The following ITCH variants were observed in gnomAD, a reference collection of about 807,000 sequenced individuals.
The protein encoded by ITCH is itchy E3 ubiquitin protein ligase.
In ITCH, 28 loss-of-function variants were observed where a neutral mutation model predicts 126.8. The observed-to-expected ratio is 0.22, with a 90% CI of 0.16 to 0.30. ITCH has a LOEUF of 0.30. Among genes scored for constraint, ITCH ranks in the 10% least tolerant of loss-of-function variants. The pLI is 1.00. For synonymous variants in ITCH, 342 were observed against 340.0 expected (o/e 1.01, Z -0.06); for missense variants, 631 against 1,032.4 (o/e 0.61, Z 5.33).
At chr20:34,494,021 G>A (rs1300829995) in intron 23 of ITCH, among the ~76,000 whole-genome samples, 1 of 152,194 alleles carries the variant, frequency 6.6e-6, no homozygotes, top group Non-Finnish European at 1.5e-5. Flanking sequence ...TTGAGCTCAG[G>A]AGTTTGAGAA....
At chr20:34,471,673 G>GGTGTGTGTGTGTGTGTGTGT (rs10606931) in intron 16 of ITCH, among the ~76,000 whole-genome samples, 158 bp downstream of exon 16, 1 of 69,376 alleles carries the variant, frequency 1.4e-5, no homozygotes. Context: ...GGGCTTAAGG[G>GGTGTGTGTGTGTGTGTGTGT]GTGTGTGTGT....
At chr20:34,448,014 T>A (rs1346276276) in intron 11 of ITCH, among the ~76,000 whole-genome samples, 1 of 152,214 alleles carries the variant, frequency 6.6e-6, no homozygotes, top group Non-Finnish European at 1.5e-5. Flanking sequence ...TAAGCAATCA[T>A]GCATTTAATT....
intron 6 of ITCH, 42 bp downstream of exon 6, chr20:34,413,921 A>G (rs1315513190): frequency 6.7e-7 from 1 of 1,499,370 alleles, no homozygotes; most frequent in African/African-American, 1.4e-5. Context: ...ATTCTTCTTA[A>G]ATAAAATAGC....
chr20:34,402,977 T>C (rs1411372977), intron 3 of ITCH, among the ~76,000 whole-genome samples: 4 of 152,228 alleles, frequency 2.6e-5, no homozygotes, highest in African/African-American at 9.6e-5. Flanking sequence ...TTAGCTCTGA[T>C]TGTTCAGGGA....
intron 3 of ITCH, among the ~76,000 whole-genome samples, chr20:34,407,430 C>T (rs1228904935): frequency 6.6e-6 from 1 of 152,094 alleles, no homozygotes; most frequent in Non-Finnish European, 1.5e-5. Flanking sequence ...CCACACCTGG[C>T]TAAGTTTTGA....
intron 7 of ITCH, among the ~76,000 whole-genome samples, chr20:34,436,726 A>G (rs920901584): frequency 6.6e-6 from 1 of 152,230 alleles, no homozygotes; most frequent in Non-Finnish European, 1.5e-5. Flanking sequence ...AAGATTGTGC[A>G]TTTCTGACAA....
At chr20:34,487,833 G>A (rs1989236267) in intron 20 of ITCH, among the ~76,000 whole-genome samples, 1 of 152,164 alleles carries the variant, frequency 6.6e-6, no homozygotes, top group Admixed American at 6.5e-5. Context: ...CAGCTACTTG[G>A]GAGGCTGAGG....
chr20:34,485,398 G>C (rs985974015), intron 20 of ITCH, among the ~76,000 whole-genome samples: 7 of 152,200 alleles, frequency 4.6e-5, no homozygotes, highest in African/African-American at 1.7e-4. Flanking sequence ...AGTAGTATTT[G>C]AGAGTTGCTT....
intron 16 of ITCH, among the ~76,000 whole-genome samples, chr20:34,475,504 A>C (rs2146444463): frequency 6.6e-6 from 1 of 152,246 alleles, no homozygotes; most frequent in South Asian, 2.1e-4. Flanking sequence ...AAAATACGAA[A>C]ACCAGTCAGG....
intron 1 of ITCH, among the ~76,000 whole-genome samples, chr20:34,367,807 G>T (rs1054401510): frequency 6.6e-6 from 1 of 152,114 alleles, no homozygotes; most frequent in Non-Finnish European, 1.5e-5. Context: ...CTCTGGGACT[G>T]GTATTCTCTG....
chr20:34,414,570 G>A (rs758164438), intron 6 of ITCH, among the ~76,000 whole-genome samples: 1 of 148,632 alleles, frequency 6.7e-6, no homozygotes, highest in Non-Finnish European at 1.5e-5. Context: ...GGGTTCAAGC[G>A]ATTTTCCTGT....
intron 3 of ITCH, among the ~76,000 whole-genome samples, chr20:34,398,304 C>G (rs999256428): frequency 7.2e-5 from 11 of 152,140 alleles, no homozygotes; most frequent in Non-Finnish European, 1.3e-4. Flanking sequence ...CTCAGGTGAT[C>G]CACCCACCTC....
chr20:34,406,621 G>A (rs867887548), intron 3 of ITCH, among the ~76,000 whole-genome samples: 5 of 148,196 alleles, frequency 3.4e-5, no homozygotes, highest in Non-Finnish European at 7.4e-5. Context: ...TGCAATCTCC[G>A]CCTCCCAGGT....
chr20:34,380,700 CT>C (rs1361020337), intron 2 of ITCH, among the ~76,000 whole-genome samples: 1 of 147,216 alleles, frequency 6.8e-6, no homozygotes, highest in Non-Finnish European at 1.5e-5. Context: ...ATTTTCCTGC[CT>C]TTGCCTCCTA....
chr20:34,428,494 AT>A (rs1336993359), intron 7 of ITCH, among the ~76,000 whole-genome samples: 17 of 152,108 alleles, frequency 1.1e-4, no homozygotes, highest in African/African-American at 3.9e-4. Flanking sequence ...TCTTCTGTTT[AT>A]TTGTTTATTT....
intron 3 of ITCH, among the ~76,000 whole-genome samples, chr20:34,404,100 T>C (rs897387554): frequency 2.0e-5 from 3 of 152,154 alleles, no homozygotes; most frequent in African/African-American, 7.2e-5. Context: ...AGGGGTTGGA[T>C]TGGAGAAGTG....
chr20:34,402,696 T>G (rs149553748), intron 3 of ITCH: 203 of 487,972 alleles, frequency 4.2e-4, no homozygotes, highest in African/African-American at 3.7e-3. Context: ...ATTGTCTGCA[T>G]TGCTGAAATA....
chr20:34,447,371 C>G (rs1984591913), intron 11 of ITCH, among the ~76,000 whole-genome samples: 1 of 152,038 alleles, frequency 6.6e-6, no homozygotes, highest in Admixed American at 6.5e-5. Flanking sequence ...ATTTAACATC[C>G]TTAATAACAT....
intron 3 of ITCH, among the ~76,000 whole-genome samples, chr20:34,406,875 CAACTCCAAGGGTTCCTT>C (rs1307782921): frequency 6.6e-6 from 1 of 152,186 alleles, no homozygotes; most frequent in Non-Finnish European, 1.5e-5. Context: ...ACTCCTCTGA[CAACTCCAAGGGTTCCTT>C]AACTTTGATG....
Sources: gnomAD v4.1 joint callset for allele counts (sites outside exome capture counted in the v4.1 genomes callset) on GRCh38, gnomAD v4.1.1 for gene constraint, MANE v1.5 for transcripts, NCBI Gene and HGNC (gene_info 2026-07-23, HGNC 2026-07-21) for gene names.